CHN1: variants seen among roughly 807,000 people sequenced by gnomAD.
CHN1 encodes N-chimaerin.
Under a neutral mutation model 59.5 loss-of-function variants are expected in CHN1, and 37 were observed. That is an observed-to-expected ratio of 0.62 (90% CI 0.48 to 0.82). The LOEUF is 0.82. Ranked by LOEUF, CHN1 falls within the 40% of genes least tolerant of loss-of-function variation. CHN1 has a pLI of 0.00. For missense variants in CHN1, 469 were observed against 571.0 expected, an observed-to-expected ratio of 0.82 and a Z score of 1.82; for synonymous variants, 206 against 200.4, an observed-to-expected ratio of 1.03 and a Z score of -0.24.
chr2:174,843,262 G>A (rs933604979), intron 7 of CHN1, among the ~76,000 whole-genome samples: 1 of 151,132 alleles, frequency 6.6e-6, no homozygotes, highest in Admixed American at 6.6e-5. Context: ...TTTTTGAGAC[G>A]GAGTTTTGCT....
chr2:174,962,741 C>T (rs1272818090), intron 1 of CHN1, among the ~76,000 whole-genome samples: 1 of 147,320 alleles, frequency 6.8e-6, no homozygotes, highest in East Asian at 2.1e-4. Flanking sequence ...GAAACCCGGC[C>T]TCTACTAAAA....
intron 3 of CHN1, among the ~76,000 whole-genome samples, chr2:174,943,458 C>G (rs1313076690): frequency 1.3e-5 from 2 of 152,054 alleles, no homozygotes; most frequent in African/African-American, 4.8e-5. Context: ...AACTCTTGAC[C>G]TCGTGATCTG....
chr2:174,901,992 T>C (rs1329130966), intron 5 of CHN1, among the ~76,000 whole-genome samples: 1 of 152,140 alleles, frequency 6.6e-6, no homozygotes, highest in African/African-American at 2.4e-5. Context: ...AAGCATACCA[T>C]AATATAGTGT....
chr2:174,877,039 A>G (rs948519993), intron 6 of CHN1, among the ~76,000 whole-genome samples: 8 of 152,170 alleles, frequency 5.3e-5, no homozygotes, highest in African/African-American at 1.7e-4. Flanking sequence ...CACAGTTCCA[A>G]TTACAATACC....
intron 3 of CHN1, among the ~76,000 whole-genome samples, chr2:174,930,614 T>C (rs1689315418): frequency 6.6e-6 from 1 of 152,088 alleles, no homozygotes; most frequent in Admixed American, 6.5e-5. Context: ...ATAAGGCAAA[T>C]ATCTGGATTG....
chr2:174,810,293 G>A (rs1442821542), intron 10 of CHN1, among the ~76,000 whole-genome samples: 1 of 152,138 alleles, frequency 6.6e-6, no homozygotes, highest in Non-Finnish European at 1.5e-5. Flanking sequence ...GATGAGTGCT[G>A]GTACACATCC....
chr2:174,850,732 C>A (rs1390773617), intron 6 of CHN1, among the ~76,000 whole-genome samples: 1 of 152,148 alleles, frequency 6.6e-6, no homozygotes, highest in African/African-American at 2.4e-5. Context: ...ACCCAATTAC[C>A]CATACTCTGG....
chr2:174,950,448 G>A (rs1041418809), intron 2 of CHN1, among the ~76,000 whole-genome samples: 2 of 151,746 alleles, frequency 1.3e-5, no homozygotes, highest in African/African-American at 4.8e-5. Context: ...TTGGTATTTA[G>A]TAGAGACGGG....
chr2:174,817,945 G>C (rs1240849561), intron 8 of CHN1, among the ~76,000 whole-genome samples: 1 of 152,002 alleles, frequency 6.6e-6, no homozygotes, highest in East Asian at 1.9e-4. Context: ...CCAATTTTTT[G>C]TATTTTTAGT....
At chr2:174,957,312 G>A (rs750108371) in intron 1 of CHN1, among the ~76,000 whole-genome samples, 48 of 152,194 alleles carry the variant, frequency 3.2e-4, no homozygotes, top group Admixed American at 1.4e-3. Flanking sequence ...TGTTTACAGC[G>A]TGAGAGCTGA....
rs1267169475 is a variant in CHN1, at chr2:175,005,290, G to C, written c.-378C>G. 15 of 1,198,142 alleles carry C rather than the reference G, an allele frequency of 1.3e-5. No individual in the cohort carries two copies. The highest frequency in any genetic ancestry group is 1.5e-5 in the Non-Finnish European group (14 of 951,260). The allele number at this position is 1,198,142 out of a possible 1,614,324, so 74.2% of individuals were successfully genotyped here. ...GCGGCGGCGGCGGCGGCGACGGGGAGAGCAGCAGCAGCCTCGCACAGCCCC... is the reference window on the plus strand; with the variant it reads ...GCGGCGGCGGCGGCGGCGACGGGGACAGCAGCAGCAGCCTCGCACAGCCCC... On this transcript the variant is annotated 5_prime_UTR_variant, in exon 1 of 13. Coordinates refer to ENST00000409900, the MANE Select transcript of CHN1 (RefSeq NM_001822.7).
chr2:174,973,356 G>A (rs934241029), intron 1 of CHN1, among the ~76,000 whole-genome samples: 6 of 152,270 alleles, frequency 3.9e-5, no homozygotes, highest in African/African-American at 1.4e-4. Context: ...TCTTCCTGAT[G>A]ATATCAGTAG....
At position 174,977,529 on chromosome 2, in the gene CHN1, T is replaced by C. The variant is rs551392629; in HGVS notation, c.20-25327A>G. ...GTCTTCAGGCTGCCTTTATACCTTG[T>C]TGAAGATGATGCAACACCTTGGGCA... is the stretch of plus-strand genomic sequence containing the variant. On this transcript the variant is annotated intron_variant, in intron 1 of 12. Coordinates refer to ENST00000409900, the MANE Select transcript of CHN1 (RefSeq NM_001822.7). Among the ~76,000 whole-genome samples, 7 of 152,344 alleles carry C rather than the reference T, an allele frequency of 4.6e-5. No homozygotes were observed. In the East Asian group the frequency reaches 1.2e-3, roughly 25 times the overall value.
chr2:174,881,380 A>G (rs1376935021), intron 5 of CHN1, among the ~76,000 whole-genome samples: 2 of 152,144 alleles, frequency 1.3e-5, no homozygotes, highest in Admixed American at 6.5e-5. Flanking sequence ...GGCATCAGAC[A>G]GTTGTAAGTT....
At chr2:174,807,552 G>A (rs1302681826) in intron 11 of CHN1, among the ~76,000 whole-genome samples, 4 of 148,676 alleles carry the variant, frequency 2.7e-5, no homozygotes, top group African/African-American at 9.9e-5. Context: ...TAACTGGAGA[G>A]GAAATGTCTG....
intron 4 of CHN1, among the ~76,000 whole-genome samples, chr2:174,916,922 T>C (rs1268291109): frequency 6.6e-6 from 1 of 152,340 alleles, no homozygotes; most frequent in East Asian, 1.9e-4. Flanking sequence ...CTGGGCGCAG[T>C]AGCTCACGCC....
At chr2:174,837,105 C>T (rs924156117) in intron 7 of CHN1, 1 of 152,160 alleles carries the variant, frequency 6.6e-6, no homozygotes, top group Non-Finnish European at 1.5e-5. Flanking sequence ...GTAAAAGTCT[C>T]TCAACTGTTC....
At chr2:174,843,461 T>A (rs1312957619) in intron 7 of CHN1, among the ~76,000 whole-genome samples, 1 of 152,022 alleles carries the variant, frequency 6.6e-6, no homozygotes, top group Non-Finnish European at 1.5e-5. Flanking sequence ...ATGTTCTCAA[T>A]CTCCTGACCT....
At chr2:174,917,505 C>A (rs1463377166) in intron 4 of CHN1, among the ~76,000 whole-genome samples, 2 of 151,632 alleles carry the variant, frequency 1.3e-5, no homozygotes, top group Non-Finnish European at 2.9e-5. Context: ...CAAAACTTGA[C>A]AATATATTTA....
Sources: gnomAD v4.1 joint callset for allele counts (sites outside exome capture counted in the v4.1 genomes callset) on GRCh38, gnomAD v4.1.1 for gene constraint, MANE v1.5 for transcripts, NCBI Gene and HGNC (gene_info 2026-07-23, HGNC 2026-07-21) for gene names.